SLC2A3: variants seen among roughly 807,000 people sequenced by gnomAD.
SLC2A3 encodes the protein solute carrier family 2 member 3.
A neutral mutation model predicts 46.4 loss-of-function variants in SLC2A3; 21 were observed. The observed-to-expected ratio is 0.45, with a 90% confidence interval of 0.32 to 0.65. SLC2A3 has a LOEUF of 0.65. Ranked by LOEUF, SLC2A3 falls within the 30% of genes least tolerant of loss-of-function variation. The pLI, the probability that SLC2A3 is intolerant of heterozygous loss-of-function variation, is 0.04. For synonymous variants in SLC2A3, 213 were observed against 239.4 expected, an observed-to-expected ratio of 0.89 and a Z score of 1.02; for missense variants, 499 against 623.3, an observed-to-expected ratio of 0.80 and a Z score of 2.12.
intron 1 of SLC2A3, 58 bp downstream of exon 1, chr12:7,935,962 T>C: frequency 7.4e-7 from 1 of 1,351,524 alleles, no homozygotes; most frequent in Non-Finnish European, 1.1e-6. Context: ...CATTAATATT[T>C]GCCTTTCTGA....
intron 3 of SLC2A3, 120 bp from the exon 4 acceptor site, chr12:7,931,605 C>A: frequency 7.0e-7 from 1 of 1,435,378 alleles, no homozygotes; most frequent in Non-Finnish European, 9.4e-7. Context: ...TTTAATCTAA[C>A]TTTTGTTTTT....
chr12:7,928,943 G>A (rs995295944), intron 6 of SLC2A3, among the ~76,000 whole-genome samples: 14 of 151,804 alleles, frequency 9.2e-5, no homozygotes, highest in African/African-American at 3.4e-4. Flanking sequence ...GGCATGAGCA[G>A]CCACCACACT....
chr12:7,923,851 C>A (rs1946066479), intron 8 of SLC2A3, among the ~76,000 whole-genome samples: 1 of 150,624 alleles, frequency 6.6e-6, no homozygotes, highest in African/African-American at 2.4e-5. Flanking sequence ...TTACCACAAC[C>A]TCTGCCTCCT....
Position 7,920,322 on chromosome 12 carries a change from G to A in SLC2A3, c.*1091C>T, listed in dbSNP as rs946631185. 3.3e-5 allele frequency: 5 copies of A among 152,048 alleles called. No individual in the cohort carries two copies. The highest frequency in any genetic ancestry group is 2.6e-4 in the Admixed American group (4 of 15,256). The allele number at this position is 152,048 out of a possible 1,614,324, so 9.4% of individuals were successfully genotyped here. The stretch of plus-strand genomic sequence containing the variant: ...TTTCTTATTTGGATGGCTCTCCCAC[G>A]AGATAGGTGGCGGGATTACTTCAAA... On this transcript the variant is annotated 3_prime_UTR_variant, in exon 10 of 10. Transcript: ENST00000075120.
intron 6 of SLC2A3, among the ~76,000 whole-genome samples, chr12:7,927,036 A>C (rs1946102165): frequency 6.6e-6 from 1 of 152,156 alleles, no homozygotes; most frequent in African/African-American, 2.4e-5. Flanking sequence ...ATTTGCCTCC[A>C]TAGCAATATT....
rs1946209723 is a variant in SLC2A3, at chr12:7,936,067, T to C, written c.-33A>G. ...ATCTAATTCAAGTCTTCAAGAAAGA[T>C]CTAGGGGTGATTCCAGAAACAGCTT... On this transcript the variant is annotated 5_prime_UTR_variant, in exon 1 of 10. Transcript: ENST00000075120. 6.3e-7 allele frequency: 1 copy of C among 1,593,558 alleles called. No homozygotes were observed. The highest frequency in any genetic ancestry group is 1.7e-5 in the Admixed American group (1 of 59,952).
At chr12:7,930,878 ACT>A (rs1382851660) in intron 4 of SLC2A3, among the ~76,000 whole-genome samples, 1 of 144,394 alleles carries the variant, frequency 6.9e-6, no homozygotes, top group East Asian at 2.0e-4. Context: ...CTCACTGCAA[ACT>A]CTGCCTACCG....
intron 5 of SLC2A3, 136 bp downstream of exon 5, chr12:7,930,344 A>G: frequency 1.1e-6 from 1 of 950,212 alleles, no homozygotes; most frequent in Non-Finnish European, 1.6e-6. Flanking sequence ...AATTTTACTC[A>G]GGAGTAATCA....
chr12:7,931,169 C>T (rs1946151763), intron 4 of SLC2A3, 76 bp downstream of exon 4: 1 of 1,576,870 alleles, frequency 6.3e-7, no homozygotes, highest in Admixed American at 1.8e-5. Flanking sequence ...AGATATTCTT[C>T]AGTGCTTTAC....
In SLC2A3 at chr12:7,933,142, T is replaced by C. The variant is rs1459219782; in HGVS notation, c.114A>G (p.Ile38Met). The C allele has an allele frequency of 8.7e-6, 14 of 1,613,890 alleles. No individual in the cohort carries two copies. Among genetic ancestry groups the C allele is most frequent in the Admixed American group, 1.7e-5 (1 of 59,970 alleles). Residue 38 changes from isoleucine to methionine, a missense_variant, in exon 3 of 10, where the codon ATA becomes ATG. This residue lies in a region of SLC2A3 where 248 missense variants were observed against 284.0 expected (regional missense o/e 0.87). Coordinates refer to ENST00000075120, the MANE Select transcript of SLC2A3 (RefSeq NM_006931.3). ...TGVINAPEKI[I>M]KEFINKTLTD... is the part of the protein sequence containing the mutation. ...TCAAAGTTTTATTGATAAATTCCTT[T>C]ATGATCTGCAAAATAAAAGGGTTGG...
rs1565604618 is a variant in SLC2A3, at chr12:7,931,268, C to T, written c.487G>A (p.Val163Ile). The change falls in exon 4 of 10, where the codon GTT becomes ATT. Residue 163 changes from valine (V) to isoleucine (I), a missense_variant. By Grantham distance (29) the Val-to-Ile change is conservative. Transcript: ENST00000075120. ...ACCTGGGCCACCAGAATTCCAACAACGATGCCCAGCTGGTTGAGAGTGCCA... is the reference window on the plus strand; with the variant it reads ...ACCTGGGCCACCAGAATTCCAACAATGATGCCCAGCTGGTTGAGAGTGCCA... Reference protein sequence around the residue: ...AFGTLNQLGIVVGILVAQIFG... With the variant: ...AFGTLNQLGIIVGILVAQIFG... The T allele has an allele frequency of 5.6e-6, 9 of 1,614,042 alleles. No individual in the cohort carries two copies. Among genetic ancestry groups the T allele is most frequent in the African/African-American group, 1.3e-5 (1 of 74,912 alleles).
At position 7,923,768 on chromosome 12, in the gene SLC2A3, A is replaced by ATTTTTT. The variant is rs59914158; in HGVS notation, c.1068+636_1068+641dup. Among the ~76,000 whole-genome samples, 383 of 135,656 alleles carry ATTTTTT rather than the reference A, an allele frequency of 2.8e-3. 5 individuals carry two copies. Among genetic ancestry groups the ATTTTTT allele is most frequent in the African/African-American group, 8.8e-3 (322 of 36,412 alleles). The allele number at this position is 135,656 out of a possible 152,430, so 89.0% of individuals were successfully genotyped here. Reference sequence around the variant, plus strand: ...AACCACTGCGCCCAGCCAGGATTGGATTTTTTTTTTTTTTTTTGAGAGAGA... The same window carrying ATTTTTT: ...AACCACTGCGCCCAGCCAGGATTGGATTTTTTTTTTTTTTTTTTTTTTTGAGAGAGA... On this transcript the variant is annotated intron_variant, in intron 8 of 9. Transcript: ENST00000075120.
Position 7,925,824 on chromosome 12 carries a change from TA to T in SLC2A3, c.966+19del, listed in dbSNP as rs757089319. The T allele has an allele frequency of 5.7e-6, 9 of 1,585,098 alleles. No individual in the cohort carries two copies. The highest frequency in any genetic ancestry group is 2.2e-5 in the South Asian group (2 of 90,372). ...AAGGATTCTTTTCTCCCCTCAAAATTACCAAACCATCCAACTTACAGAAACT... is the reference window on the plus strand; with the variant it reads ...AAGGATTCTTTTCTCCCCTCAAAATTCCAAACCATCCAACTTACAGAAACT... On this transcript the variant is annotated intron_variant, in intron 7 of 9. Coordinates refer to ENST00000075120, the MANE Select transcript of SLC2A3 (RefSeq NM_006931.3).
intron 6 of SLC2A3, among the ~76,000 whole-genome samples, chr12:7,928,195 C>T (rs1235840422): frequency 2.6e-5 from 4 of 151,478 alleles, no homozygotes; most frequent in Non-Finnish European, 4.4e-5. Context: ...GTCAAGAGAT[C>T]GAGACCATCC....
chr12:7,930,571 A>T lies in SLC2A3; in HGVS notation c.582T>A (p.Pro194=), dbSNP rs775436892. The T allele has an allele frequency of 4.3e-6, 7 of 1,614,002 alleles. No individual in the cohort carries two copies. The Admixed American group carries it at 8.3e-5, about 19-fold the overall frequency. ...GAAGGGCTGCACTTTGTAGGATAGC[A>T]GGAAGGATGGTAAAACCCAGTAGCA... The part of the protein sequence containing the change: ...WPLLLGFTIL[P]AILQSAALPF... The change falls in exon 5 of 10, where the codon CCT becomes CCA. Residue 194 remains proline, a synonymous_variant. Transcript: ENST00000075120.
intron 6 of SLC2A3, among the ~76,000 whole-genome samples, chr12:7,928,851 G>A (rs1445922439): frequency 1.3e-5 from 2 of 151,408 alleles, no homozygotes; most frequent in African/African-American, 4.9e-5. Flanking sequence ...TAAAGACAGG[G>A]TCATACTATA....
In SLC2A3 at chr12:7,921,500, C is replaced by T; in HGVS notation, c.1404G>A (p.Gln468=). 2 of 1,613,962 alleles carry T rather than the reference C, an allele frequency of 1.2e-6. No individual in the cohort carries two copies. The highest frequency in any genetic ancestry group is 8.5e-7 in the Non-Finnish European group (1 of 1,179,868). ...FEDITRAFEG[Q]AHGADRSGKD... ...TTCCAGATCTATCTGCACCGTGTGC[C>T]TGCCCTTCAAAGGCCCGTGTGATAT... Residue 468 remains glutamine, a synonymous_variant, in exon 10 of 10, where the codon CAG becomes CAA. Coordinates refer to ENST00000075120, the MANE Select transcript of SLC2A3 (RefSeq NM_006931.3).
chr12:7,923,144 T>A, intron 8 of SLC2A3, 120 bp from the exon 9 acceptor site: 1 of 954,218 alleles, frequency 1.0e-6, no homozygotes, highest in Non-Finnish European at 1.5e-6. Context: ...AAAGAGTGGC[T>A]GTGGAGTCAA....
At chr12:7,922,787 T>C (rs748680521) in intron 9 of SLC2A3, 34 bp downstream of exon 9, 21 of 1,613,404 alleles carry the variant, frequency 1.3e-5, no homozygotes, top group Non-Finnish European at 1.8e-5. Context: ...TCAGCTTACA[T>C]AGGCTGGTTT....
Sources: allele counts gnomAD v4.1 joint callset (sites outside exome capture counted in the v4.1 genomes callset), GRCh38; gene constraint gnomAD v4.1.1; regional missense constraint gnomAD v4.1.1; transcripts MANE v1.5; gene names NCBI Gene and HGNC (gene_info 2026-07-23, HGNC 2026-07-21).